GRIP1: variants seen among roughly 807,000 people sequenced by gnomAD.
GRIP1 encodes the protein glutamate receptor-interacting protein 1.
A neutral mutation model predicts 129.9 loss-of-function variants in GRIP1; 45 were observed. The ratio of observed to expected loss-of-function variants is 0.35; its 90% confidence interval spans 0.27 to 0.44. The LOEUF (loss-of-function observed/expected upper bound fraction) is 0.44, where lower values mean the gene tolerates loss of function less well. Ranked by LOEUF, GRIP1 falls within the 20% of genes least tolerant of loss-of-function variation. The pLI is 1.00. For missense variants in GRIP1, 1,196 were observed against 1,396.8 expected (o/e 0.86, Z 2.29); for synonymous variants, 530 against 520.8 (o/e 1.02, Z -0.24).
intron 2 of GRIP1, among the ~76,000 whole-genome samples, chr12:66,573,410 G>C (rs2063031564): frequency 6.6e-6 from 1 of 152,176 alleles, no homozygotes; most frequent in African/African-American, 2.4e-5. Flanking sequence ...AACGTGTATT[G>C]TTTTAAGCTG....
At chr12:66,664,713 AT>A (rs1474785300) in intron 1 of GRIP1, among the ~76,000 whole-genome samples, 1 of 152,200 alleles carries the variant, frequency 6.6e-6, no homozygotes, top group East Asian at 1.9e-4. Flanking sequence ...AGGTATGAAA[AT>A]TTAATTGACA....
chr12:67,032,958 T>G (rs1034301097), intron 1 of GRIP1, among the ~76,000 whole-genome samples: 1 of 152,108 alleles, frequency 6.6e-6, no homozygotes, highest in African/African-American at 2.4e-5. Flanking sequence ...ATTTACATTA[T>G]TTTTTCTTAC....
chr12:66,688,808 C>T (rs2034874673), intron 1 of GRIP1, among the ~76,000 whole-genome samples: 1 of 150,540 alleles, frequency 6.6e-6, no homozygotes, highest in South Asian at 2.1e-4. Context: ...TATTTTCCTT[C>T]AAAGGAGGAA....
chr12:66,796,966 C>T (rs1395940973), intron 1 of GRIP1, among the ~76,000 whole-genome samples: 1 of 152,146 alleles, frequency 6.6e-6, no homozygotes, highest in African/African-American at 2.4e-5. Flanking sequence ...TTCTACATAT[C>T]TATAAACCTA....
At chr12:66,731,759 A>C (rs763756190) in intron 1 of GRIP1, among the ~76,000 whole-genome samples, 2 of 152,186 alleles carry the variant, frequency 1.3e-5, no homozygotes, top group Non-Finnish European at 2.9e-5. Flanking sequence ...AAAATGGTAA[A>C]TTTTATGTTA....
chr12:66,758,827 G>T (rs1243182179), intron 1 of GRIP1, among the ~76,000 whole-genome samples: 1 of 152,156 alleles, frequency 6.6e-6, no homozygotes. Flanking sequence ...TCACATCCAG[G>T]TCATGCTAAT....
chr12:66,749,627 T>C lies in GRIP1; in HGVS notation c.-420+54426A>G, dbSNP rs1592806283. Among the ~76,000 whole-genome samples, 5 of 152,334 alleles carry C rather than the reference T, an allele frequency of 3.3e-5. No individual in the cohort carries two copies. The East Asian group carries it at 9.6e-4, about 29-fold the overall frequency. On this transcript the variant is annotated intron_variant, in intron 1 of 4. Coordinates refer to the GRIP1 transcript ENST00000538373. ...GGCGGTAATTTGGCAGTTTTGCCAC[T>C]TGGGAATAAGTGGGGATGACTTCAT... is the stretch of plus-strand genomic sequence containing the variant.
At chr12:66,752,906 T>A (rs535031154) in intron 1 of GRIP1, among the ~76,000 whole-genome samples, 31 of 152,240 alleles carry the variant, frequency 2.0e-4, no homozygotes, top group African/African-American at 7.5e-4. Context: ...AGAATAAATA[T>A]AACATCTATT....
chr12:66,509,265 A>G (rs1287187185), intron 7 of GRIP1, among the ~76,000 whole-genome samples: 1 of 152,170 alleles, frequency 6.6e-6, no homozygotes, highest in African/African-American at 2.4e-5. Flanking sequence ...TTAAGAGCCA[A>G]TTAAATTTCT....
At chr12:66,821,980 G>T (rs1229784573) in intron 1 of GRIP1, among the ~76,000 whole-genome samples, 1 of 151,786 alleles carries the variant, frequency 6.6e-6, no homozygotes, top group Non-Finnish European at 1.5e-5. Flanking sequence ...TAGGGGCCAA[G>T]TGATGGAGCC....
At chr12:66,613,737 C>T (rs2064916829) in intron 1 of GRIP1, among the ~76,000 whole-genome samples, 1 of 152,118 alleles carries the variant, frequency 6.6e-6, no homozygotes, top group African/African-American at 2.4e-5. Flanking sequence ...GAGAGCTGGC[C>T]AGGGCAAATC....
chr12:66,911,981 A>G (rs2041037748), intron 1 of GRIP1, among the ~76,000 whole-genome samples: 1 of 152,190 alleles, frequency 6.6e-6, no homozygotes, highest in South Asian at 2.1e-4. Flanking sequence ...TAGAAAAAGT[A>G]ATTACATCAA....
intron 7 of GRIP1, among the ~76,000 whole-genome samples, chr12:66,510,574 T>C (rs1301466458): frequency 6.6e-6 from 1 of 152,220 alleles, no homozygotes; most frequent in Non-Finnish European, 1.5e-5. Flanking sequence ...CAAACTTATT[T>C]TTCTCAGTCT....
intron 1 of GRIP1, among the ~76,000 whole-genome samples, chr12:66,818,396 T>C (rs965189031): frequency 6.6e-6 from 1 of 152,234 alleles, no homozygotes; most frequent in Non-Finnish European, 1.5e-5. Context: ...CAACAAATGT[T>C]ATCTGTTATC....
At chr12:66,838,092 A>G (rs2137039232) in intron 1 of GRIP1, among the ~76,000 whole-genome samples, 1 of 151,778 alleles carries the variant, frequency 6.6e-6, no homozygotes, top group East Asian at 2.0e-4. Context: ...AGGCTGAGGC[A>G]GGAGAATCGC....
chr12:66,743,305 G>T (rs527613494), intron 1 of GRIP1, among the ~76,000 whole-genome samples: 1 of 152,012 alleles, frequency 6.6e-6, no homozygotes, highest in Non-Finnish European at 1.5e-5. Flanking sequence ...ACCACTGGGC[G>T]AGTGGCAACC....
intron 1 of GRIP1, among the ~76,000 whole-genome samples, chr12:66,710,886 ACAGG>A (rs902275003): frequency 6.6e-6 from 1 of 151,924 alleles, no homozygotes; most frequent in African/African-American, 2.4e-5. Context: ...GGAATCTTCC[ACAGG>A]CTTCTGCCTT....
intron 1 of GRIP1, among the ~76,000 whole-genome samples, chr12:66,907,557 G>C (rs1487422282): frequency 2.0e-5 from 3 of 152,108 alleles, no homozygotes; most frequent in Admixed American, 2.0e-4. Context: ...GATCTGTGTG[G>C]TGACCAGGGG....
At chr12:66,619,095 T>C (rs1238652565) in intron 1 of GRIP1, among the ~76,000 whole-genome samples, 1 of 151,846 alleles carries the variant, frequency 6.6e-6, no homozygotes, top group African/African-American at 2.4e-5. Context: ...CAATTAAAAA[T>C]GAAAGAAAGA....
Sources: allele counts gnomAD v4.1 joint callset (sites outside exome capture counted in the v4.1 genomes callset), GRCh38; gene constraint gnomAD v4.1.1; transcripts MANE v1.5; gene names NCBI Gene and HGNC (gene_info 2026-07-23, HGNC 2026-07-21).